Variants in NWD1 observed in about 807,000 individuals in gnomAD.
The protein encoded by NWD1 is NACHT and WD repeat domain containing 1, also known as NACHT domain- and WD repeat-containing protein 1.
Under a neutral mutation model 135.1 loss-of-function variants are expected in NWD1, and 129 were observed. The observed-to-expected ratio is 0.96, with a 90% CI of 0.83 to 1.11. The LOEUF (loss-of-function observed/expected upper bound fraction) is 1.11. Ranked by LOEUF, NWD1 falls within the 50% of genes least tolerant of loss-of-function variation. The pLI is 0.00. For missense variants in NWD1, 1,740 were observed against 1,851.3 expected (o/e 0.94, Z 1.10); for synonymous variants, 773 against 786.0 (o/e 0.98, Z 0.28).
intron 10 of NWD1, among the ~76,000 whole-genome samples, chr19:16,767,982 CTTTTTT>C (rs963453075): frequency 3.6e-5 from 3 of 83,566 alleles, no homozygotes; most frequent in African/African-American, 1.5e-4. Context: ...AATTTCCTTC[CTTTTTT>C]TTTTTTTTTT....
intron 11 of NWD1, among the ~76,000 whole-genome samples, chr19:16,776,941 G>GAAAA (rs112284735): frequency 1.0e-5 from 1 of 96,740 alleles, no homozygotes; most frequent in Non-Finnish European, 1.9e-5. Flanking sequence ...GACCCTATCT[G>GAAAA]AAAAAAAAAA....
chr19:16,811,232 A>G (rs1366705474), intron 18 of NWD1, among the ~76,000 whole-genome samples: 1 of 152,204 alleles, frequency 6.6e-6, no homozygotes, highest in Non-Finnish European at 1.5e-5. Context: ...ATACAATCAT[A>G]GCTAACATCC....
intron 4 of NWD1, among the ~76,000 whole-genome samples, chr19:16,743,237 G>T (rs938567798): frequency 6.6e-6 from 1 of 150,830 alleles, no homozygotes; most frequent in Non-Finnish European, 1.5e-5. Flanking sequence ...TAGAGACAGG[G>T]TCTCACTCTG....
chr19:16,740,720 C>G (rs1968044707), intron 4 of NWD1, among the ~76,000 whole-genome samples: 1 of 150,906 alleles, frequency 6.6e-6, no homozygotes, highest in Admixed American at 6.6e-5. Context: ...GATCTGCCCA[C>G]CCTATTCTCC....
intron 5 of NWD1, among the ~76,000 whole-genome samples, chr19:16,746,334 T>G (rs1300464609): frequency 6.6e-6 from 1 of 150,950 alleles, no homozygotes; most frequent in Non-Finnish European, 1.5e-5. Flanking sequence ...TACTTCAGTC[T>G]GGGTGACAGA....
At chr19:16,722,185 G>C (rs892946484) in intron 1 of NWD1, among the ~76,000 whole-genome samples, 1 of 151,866 alleles carries the variant, frequency 6.6e-6, no homozygotes, top group Non-Finnish European at 1.5e-5. Flanking sequence ...GTTAATCCCA[G>C]CTACTCAGGA....
At chr19:16,754,337 G>T (rs1049289195) in intron 6 of NWD1, among the ~76,000 whole-genome samples, 1 of 120,962 alleles carries the variant, frequency 8.3e-6, no homozygotes, top group Non-Finnish European at 1.7e-5. Flanking sequence ...TCCACCCATT[G>T]TTTCTATCTT....
intron 18 of NWD1, among the ~76,000 whole-genome samples, chr19:16,814,509 CAAGT>C (rs1411241349): frequency 1.3e-5 from 2 of 152,200 alleles, no homozygotes; most frequent in Non-Finnish European, 2.9e-5. Flanking sequence ...GGTCACAAAA[CAAGT>C]AAGTGGCTGA....
intron 4 of NWD1, among the ~76,000 whole-genome samples, chr19:16,741,878 A>C (rs897391178): frequency 5.3e-5 from 8 of 151,588 alleles, no homozygotes; most frequent in Non-Finnish European, 1.0e-4. Flanking sequence ...TGGGAGGCTG[A>C]GGTGGGCAGA....
At chr19:16,745,226 C>T (rs1189798160) in intron 5 of NWD1, 14 of 369,244 alleles carry the variant, frequency 3.8e-5, no homozygotes, top group Non-Finnish European at 5.4e-5. Flanking sequence ...TTCACTACCA[C>T]GAGAACAGTA....
chr19:16,767,533 T>G (rs571273348), intron 10 of NWD1, among the ~76,000 whole-genome samples: 2 of 152,050 alleles, frequency 1.3e-5, no homozygotes, highest in East Asian at 3.9e-4. Context: ...GAAAATTGCT[T>G]GAACACGGGC....
At chr19:16,791,164 G>A (rs1225102175) in intron 13 of NWD1, among the ~76,000 whole-genome samples, 186 bp from the exon 14 acceptor site, 1 of 152,112 alleles carries the variant, frequency 6.6e-6, no homozygotes, top group African/African-American at 2.4e-5. Flanking sequence ...AGCCCAGGAG[G>A]TCGATGCTGC....
At chr19:16,804,194 C>A (rs1428521085) in intron 17 of NWD1, among the ~76,000 whole-genome samples, 1 of 152,136 alleles carries the variant, frequency 6.6e-6, no homozygotes, top group Non-Finnish European at 1.5e-5. Flanking sequence ...CTCTCAGCAT[C>A]ATTCCATGGG....
At chr19:16,729,429 G>A (rs1028344900) in intron 2 of NWD1, among the ~76,000 whole-genome samples, 5 of 151,882 alleles carry the variant, frequency 3.3e-5, no homozygotes, top group Admixed American at 3.3e-4. Flanking sequence ...GATCCTTTGG[G>A]TCTCAGTGCA....
In NWD1 at chr19:16,769,729, G is replaced by C. The variant is rs930372195; in HGVS notation, c.2411-3397G>C. Among the ~76,000 whole-genome samples the C allele has an allele frequency of 2.6e-5, 4 of 152,212 alleles. No individual in the cohort carries two copies. In the South Asian group the frequency reaches 8.3e-4, roughly 32 times the overall value. ...GAGCTCAGCTAAATGCGATTCCTCA[G>C]AGAAGCCTTGTCTGGCCACCACTGA... On this transcript the variant is annotated intron_variant, in intron 10 of 18. Transcript: ENST00000524140.
At chr19:16,750,480 G>A in intron 6 of NWD1, 69 bp downstream of exon 6, 2 of 1,252,930 alleles carry the variant, frequency 1.6e-6, no homozygotes, top group South Asian at 1.6e-5. Context: ...TAGAGATGGA[G>A]GTCTGGCTAT....
Position 16,791,696 on chromosome 19 carries a change from A to C in NWD1, c.3213+74A>C, listed in dbSNP as rs189666569. ...TGCTCAGATGTGCTAGAAGTTGGGA[A>C]AAATAATCTTGCCTTGTATCTTTGT... On this transcript the variant is annotated intron_variant, in intron 14 of 18. Coordinates refer to ENST00000524140, the MANE Select transcript of NWD1 (RefSeq NM_001007525.5). The C allele has an allele frequency of 1.1e-3, 1,602 of 1,417,910 alleles. 3 individuals are homozygous for C. The highest frequency in any genetic ancestry group is 2.0e-3 in the Middle Eastern group (11 of 5,530). The allele number at this position is 1,417,910 out of a possible 1,614,324, so 87.8% of individuals were successfully genotyped here. A position where few individuals can be genotyped will look rare whatever the true frequency, so the allele number is the denominator to read the frequency against.
chr19:16,736,959 G>A (rs1967846584), intron 4 of NWD1, among the ~76,000 whole-genome samples: 4 of 152,176 alleles, frequency 2.6e-5, no homozygotes, highest in African/African-American at 9.7e-5. Flanking sequence ...TCAAATGGAA[G>A]CAGCAGGTGG....
Position 16,807,579 on chromosome 19 carries a change from C to T in NWD1, c.3737-7C>T. On this transcript the variant is annotated splice_region_variant and splice_polypyrimidine_tract_variant and intron_variant, in intron 17 of 18. Coordinates refer to ENST00000524140, the MANE Select transcript of NWD1 (RefSeq NM_001007525.5). The stretch of plus-strand genomic sequence containing the variant: ...TGTAAGTCATTCTCATTTTTCTTCC[C>T]TGGCAGGCGAGGAACAAGATTCCCT... 1 of 1,517,164 alleles carries T rather than the reference C, an allele frequency of 6.6e-7. No individual in the cohort carries two copies. The highest frequency in any genetic ancestry group is 1.3e-5 in the South Asian group (1 of 75,430). 94.0% of individuals were successfully genotyped at this position (1,517,164 alleles called of 1,614,324 possible). A position where few individuals can be genotyped will look rare whatever the true frequency, so the allele number is the denominator to read the frequency against.
Sources: gnomAD v4.1 joint callset for allele counts (sites outside exome capture counted in the v4.1 genomes callset) on GRCh38, gnomAD v4.1.1 for gene constraint, MANE v1.5 for transcripts, NCBI Gene and HGNC (gene_info 2026-07-23, HGNC 2026-07-21) for gene names.